CREB3L2: variants seen among roughly 807,000 people sequenced by gnomAD.
CREB3L2 encodes the protein cyclic AMP-responsive element-binding protein 3-like protein 2.
In CREB3L2, 23 loss-of-function variants were observed where a neutral mutation model predicts 57.2. The observed-to-expected ratio is 0.40, with a 90% CI of 0.29 to 0.57. The LOEUF (loss-of-function observed/expected upper bound fraction) is 0.57, where lower values mean the gene tolerates loss of function less well. CREB3L2 is among the 20% of genes least tolerant of loss of function. The pLI, the probability that CREB3L2 is intolerant of heterozygous loss-of-function variation, is 0.42. For synonymous variants in CREB3L2, 268 were observed against 265.1 expected (o/e 1.01, Z -0.11); for missense variants, 628 against 634.7 (o/e 0.99, Z 0.11).
intron 1 of CREB3L2, among the ~76,000 whole-genome samples, chr7:137,983,292 G>A (rs975834689): frequency 3.8e-4 from 58 of 152,242 alleles, no homozygotes; most frequent in African/African-American, 1.3e-3. Flanking sequence ...CTGGGCCCTC[G>A]AAGAAGGAAT....
chr7:137,967,041 T>C (rs1208733986), intron 1 of CREB3L2, among the ~76,000 whole-genome samples: 1 of 152,180 alleles, frequency 6.6e-6, no homozygotes, highest in African/African-American at 2.4e-5. Context: ...CCCAGAAAGC[T>C]TGCTCTCTCT....
intron 2 of CREB3L2, among the ~76,000 whole-genome samples, chr7:137,918,293 C>T (rs368392441): frequency 3.3e-5 from 5 of 152,084 alleles, no homozygotes; most frequent in African/African-American, 1.2e-4. Context: ...CGGATTCAAG[C>T]GATTCTCCTG....
In CREB3L2 at chr7:137,998,453, T is replaced by C. The variant is rs115183293; in HGVS notation, c.102+3151A>G. ...GCTTTCAGGCTCAGCAGTTCCTATATTCCAATCACTCTCTCCCAACCTCTT... is the reference window on the plus strand; with the variant it reads ...GCTTTCAGGCTCAGCAGTTCCTATACTCCAATCACTCTCTCCCAACCTCTT... On this transcript the variant is annotated intron_variant, in intron 1 of 11. Transcript: ENST00000330387. Among the ~76,000 whole-genome samples the C allele has an allele frequency of 1.1e-3, 167 of 152,308 alleles. 1 individual carries two copies. The highest frequency in any genetic ancestry group is 3.9e-3 in the African/African-American group (162 of 41,560).
chr7:137,913,969 G>A (rs1800070530), intron 3 of CREB3L2, among the ~76,000 whole-genome samples: 1 of 152,002 alleles, frequency 6.6e-6, no homozygotes, highest in Non-Finnish European at 1.5e-5. Flanking sequence ...AGTTTTCCCT[G>A]CCTGCAACGT....
chr7:137,968,317 T>G (rs900631583), intron 1 of CREB3L2, among the ~76,000 whole-genome samples: 1 of 151,998 alleles, frequency 6.6e-6, no homozygotes, highest in Non-Finnish European at 1.5e-5. Flanking sequence ...CCCATTAAGT[T>G]GTCATTTACA....
At chr7:137,948,531 G>C (rs1047822042) in intron 1 of CREB3L2, among the ~76,000 whole-genome samples, 1 of 152,126 alleles carries the variant, frequency 6.6e-6, no homozygotes, top group African/African-American at 2.4e-5. Context: ...CTCACTATTA[G>C]ACTGTTTACT....
chr7:137,905,132 C>T (rs1181528208), intron 6 of CREB3L2, among the ~76,000 whole-genome samples: 2 of 151,760 alleles, frequency 1.3e-5, no homozygotes, highest in Non-Finnish European at 2.9e-5. Flanking sequence ...TGGTTTTCAT[C>T]AGGCCTGCTC....
chr7:137,977,165 C>T (rs1359589429), intron 1 of CREB3L2, among the ~76,000 whole-genome samples: 1 of 152,234 alleles, frequency 6.6e-6, no homozygotes, highest in Non-Finnish European at 1.5e-5. Flanking sequence ...TTCTGACTCC[C>T]AACCACAGTG....
In CREB3L2 at chr7:137,931,215, G is replaced by C. The variant is rs549394583; in HGVS notation, c.103-2849C>G. 2.0e-3 allele frequency among the ~76,000 whole-genome samples: 309 copies of C among 151,962 alleles called. 1 individual carries two copies. Among genetic ancestry groups the C allele is most frequent in the Non-Finnish European group, 3.7e-3 (253 of 67,954 alleles). On this transcript the variant is annotated intron_variant, in intron 1 of 11. Transcript: ENST00000330387. ...CCATTGCACTCCAGCCCAGGTGATGGAGTGAGAACCTGTCTTTAAAGAAAA... is the reference window on the plus strand; with the variant it reads ...CCATTGCACTCCAGCCCAGGTGATGCAGTGAGAACCTGTCTTTAAAGAAAA...
rs542317738 is a variant in CREB3L2 at position 137,980,784 on chromosome 7, A to T, written c.102+20820T>A. On this transcript the variant is annotated intron_variant, in intron 1 of 11. Transcript: ENST00000330387. The surrounding 1 kb of genome is among the most constrained non-coding windows in gnomAD (Gnocchi z 4.3). The stretch of plus-strand genomic sequence containing the variant: ...GGAAACAATTTTCCACTGGCCATCA[A>T]TAAAATTCCTCATTAATTTCTAAGA... Among the ~76,000 whole-genome samples, 5 of 152,180 alleles carry T rather than the reference A, an allele frequency of 3.3e-5. No homozygotes were observed. The highest frequency in any genetic ancestry group is 6.5e-5 in the Admixed American group (1 of 15,278).
chr7:137,923,441 G>C (rs930021250), intron 2 of CREB3L2, among the ~76,000 whole-genome samples: 1 of 152,170 alleles, frequency 6.6e-6, no homozygotes, highest in Non-Finnish European at 1.5e-5. Context: ...ATCACTGTCA[G>C]GTTCTCTCTT....
rs554666762 is a variant in CREB3L2, at chr7:137,990,410, C to T, written c.102+11194G>A. Among the ~76,000 whole-genome samples the T allele has an allele frequency of 1.3e-4, 20 of 152,332 alleles. No homozygotes were observed. The South Asian group carries it at 3.9e-3, about 30-fold the overall frequency. ...AAATACTTCAAACACAGCTCTCATGCAAAACATGTATCAGGCATTTAATGA... is the reference window on the plus strand; with the variant it reads ...AAATACTTCAAACACAGCTCTCATGTAAAACATGTATCAGGCATTTAATGA... On this transcript the variant is annotated intron_variant, in intron 1 of 11. Coordinates refer to ENST00000330387, the MANE Select transcript of CREB3L2 (RefSeq NM_194071.4).
At chr7:137,992,953 C>G (rs541703331) in intron 1 of CREB3L2, among the ~76,000 whole-genome samples, 1 of 152,244 alleles carries the variant, frequency 6.6e-6, no homozygotes, top group East Asian at 1.9e-4. Context: ...CTGGTGACCA[C>G]GCACTTGAGA....
intron 1 of CREB3L2, among the ~76,000 whole-genome samples, chr7:137,993,483 C>T (rs980276656): frequency 2.0e-5 from 3 of 152,140 alleles, no homozygotes; most frequent in Non-Finnish European, 2.9e-5. Context: ...TTTGCAAAAC[C>T]GTTTACAAGA....
At position 137,985,052 on chromosome 7, in the gene CREB3L2, G is replaced by C. The variant is rs144030318; in HGVS notation, c.102+16552C>G. Among the ~76,000 whole-genome samples, 483 of 152,300 alleles carry C rather than the reference G, an allele frequency of 3.2e-3. 5 individuals are homozygous for C. The highest frequency in any genetic ancestry group is 0.011 in the African/African-American group (462 of 41,556). On this transcript the variant is annotated intron_variant, in intron 1 of 11. Coordinates refer to ENST00000330387, the MANE Select transcript of CREB3L2 (RefSeq NM_194071.4). ...TTGCTTTTACTTAAAATAAAAATGT[G>C]TAACTTAACTTCCAAGAGACATTGA...
At chr7:137,899,469 G>A (rs1237434161) in intron 8 of CREB3L2, among the ~76,000 whole-genome samples, 6 of 152,226 alleles carry the variant, frequency 3.9e-5, no homozygotes, top group African/African-American at 1.4e-4. Flanking sequence ...TGCCGGGAAC[G>A]CCTATCGGCT....
intron 8 of CREB3L2, among the ~76,000 whole-genome samples, chr7:137,895,271 G>A (rs975344167): frequency 6.6e-6 from 1 of 152,262 alleles, no homozygotes. Context: ...TTAGAGAGGT[G>A]CATTCACTTA....
chr7:137,902,068 C>A (rs1799772800), intron 7 of CREB3L2, among the ~76,000 whole-genome samples: 1 of 150,956 alleles, frequency 6.6e-6, no homozygotes, highest in Admixed American at 6.6e-5. Context: ...GTGGTGTGTG[C>A]CTGTAATCCG....
intron 1 of CREB3L2, among the ~76,000 whole-genome samples, chr7:137,994,845 CA>C (rs1347010814): frequency 6.6e-6 from 1 of 152,156 alleles, no homozygotes; most frequent in Non-Finnish European, 1.5e-5. Context: ...GTTTTGCGCC[CA>C]GGGCAAATTA....
Sources: allele counts gnomAD v4.1 joint callset (sites outside exome capture counted in the v4.1 genomes callset), GRCh38; gene constraint gnomAD v4.1.1; non-coding constraint Gnocchi (gnomAD v3.1); transcripts MANE v1.5; gene names NCBI Gene and HGNC (gene_info 2026-07-23, HGNC 2026-07-21).